TGFBR3: variants seen among roughly 807,000 people sequenced by gnomAD.
TGFBR3 encodes transforming growth factor beta receptor type 3.
Under a neutral mutation model 87.9 loss-of-function variants are expected in TGFBR3, and 46 were observed. The ratio of observed to expected loss-of-function variants is 0.52; its 90% confidence interval spans 0.41 to 0.67. TGFBR3 has a LOEUF of 0.67. Among genes scored for constraint, TGFBR3 ranks in the 30% least tolerant of loss-of-function variants. The pLI, the probability that TGFBR3 is intolerant of heterozygous loss-of-function variation, is 0.00. For synonymous variants in TGFBR3, 381 were observed against 391.6 expected (o/e 0.97, Z 0.32); for missense variants, 866 against 1,041.9 (o/e 0.83, Z 2.32).
chr1:91,785,768 C>CTT (rs774046968), intron 3 of TGFBR3, among the ~76,000 whole-genome samples: 21 of 137,114 alleles, frequency 1.5e-4, no homozygotes, highest in Admixed American at 4.4e-4. Flanking sequence ...GGCTTCTGTA[C>CTT]TTTTTTTTTT....
intron 1 of TGFBR3, among the ~76,000 whole-genome samples, chr1:91,873,429 C>T (rs1260066834): frequency 6.6e-6 from 1 of 151,398 alleles, no homozygotes; most frequent in East Asian, 2.0e-4. Context: ...ATTACAGGTG[C>T]CTGCCACCAC....
In TGFBR3 at chr1:91,720,049, A is replaced by G. The variant is rs753678001; in HGVS notation, c.1257T>C (p.Asp419=). 6 of 1,614,196 alleles carry G rather than the reference A, an allele frequency of 3.7e-6. No individual in the cohort carries two copies. In the East Asian group the frequency reaches 1.3e-4, roughly 36 times the overall value. The change falls in exon 9 of 17, where the codon GAT becomes GAC. Residue 419 remains aspartate, a synonymous_variant. Coordinates refer to ENST00000212355, the MANE Select transcript of TGFBR3 (RefSeq NM_003243.5). ...SRRVWNEEGE[D]GLPRPKDPVI... ...CAGGGTCCTTTGGCCGAGGGAGCCCATCTTCTCCCTCTTCATTCCAGACTC... is the reference window on the plus strand; with the variant it reads ...CAGGGTCCTTTGGCCGAGGGAGCCCGTCTTCTCCCTCTTCATTCCAGACTC...
At chr1:91,853,443 C>A (rs1677819932) in intron 2 of TGFBR3, among the ~76,000 whole-genome samples, 1 of 151,918 alleles carries the variant, frequency 6.6e-6, no homozygotes, top group Admixed American at 6.6e-5. Flanking sequence ...ACTCGTTTGG[C>A]AGACAGGAGA....
Position 91,698,110 on chromosome 1 carries a change from C to T in TGFBR3, c.2308G>A (p.Glu770Lys), listed in dbSNP as rs1266073455. The T allele has an allele frequency of 1.9e-6, 3 of 1,613,858 alleles. No individual in the cohort carries two copies. Among genetic ancestry groups the T allele is most frequent in the Non-Finnish European group, 2.5e-6 (3 of 1,179,930 alleles). ...ESKEKGPSMK[E>K]PNPISPPIFH... ...TTACGTGGAGAAATTGGATTTGGTT[C>T]CTTCATGCTTGGACCTTTTTCTGAA... Residue 770 changes from glutamate (E) to lysine (K), a missense_variant, in exon 15 of 17, where the codon GAA becomes AAA. Coordinates refer to ENST00000212355, the MANE Select transcript of TGFBR3 (RefSeq NM_003243.5).
chr1:91,869,579 G>A (rs375234134), intron 1 of TGFBR3, among the ~76,000 whole-genome samples: 4 of 152,180 alleles, frequency 2.6e-5, no homozygotes, highest in South Asian at 2.1e-4. Context: ...CAGGAGAACC[G>A]CTTGAACTCG....
chr1:91,729,418 G>T (rs1347026686), intron 6 of TGFBR3, among the ~76,000 whole-genome samples: 1 of 152,092 alleles, frequency 6.6e-6, no homozygotes, highest in Non-Finnish European at 1.5e-5. Context: ...TATTAATAGG[G>T]CATATTTTGT....
rs745661002 is a variant in TGFBR3, at chr1:91,729,969, T to G, written c.573A>C (p.Gln191His). 1 of 1,613,996 alleles carries G rather than the reference T, an allele frequency of 6.2e-7. No individual in the cohort carries two copies. The highest frequency in any genetic ancestry group is 2.2e-5 in the East Asian group (1 of 44,864). Residue 191 changes from glutamine (Q) to histidine (H), a missense_variant, in exon 6 of 17, where the codon CAA becomes CAC. Gln to His is a conservative substitution (Grantham distance 24). Transcript: ENST00000212355. ...CTATGTTGCACTTTGGAGGGAACAC[T>G]TGATCTGAAAGAGGCACAGGACAAT... ...RNIYIKVGED[Q>H]VFPPKCNIGK...
chr1:91,716,186 CTA>C, intron 12 of TGFBR3, 48 bp downstream of exon 12: 1 of 1,611,238 alleles, frequency 6.2e-7, no homozygotes, highest in Non-Finnish European at 8.5e-7. Context: ...GTCTAAGGAA[CTA>C]TAGCCCAGCA....
At chr1:91,762,260 C>G (rs780923742) in intron 3 of TGFBR3, among the ~76,000 whole-genome samples, 3 of 152,106 alleles carry the variant, frequency 2.0e-5, no homozygotes, top group African/African-American at 7.2e-5. Context: ...CCAAACCAAA[C>G]AAAAAACATC....
intron 3 of TGFBR3, among the ~76,000 whole-genome samples, chr1:91,787,449 G>A (rs1295407194): frequency 2.6e-5 from 4 of 152,162 alleles, no homozygotes; most frequent in African/African-American, 7.2e-5. Context: ...ACATGGGAGC[G>A]AACCACAGTG....
At chr1:91,712,655 A>G (rs1672023238) in intron 12 of TGFBR3, 113 bp from the exon 13 acceptor site, 1 of 920,768 alleles carries the variant, frequency 1.1e-6, no homozygotes, top group Non-Finnish European at 1.7e-6. Flanking sequence ...CTTTATCTTC[A>G]TAACATAGTT....
intron 3 of TGFBR3, among the ~76,000 whole-genome samples, chr1:91,775,299 C>G (rs1261414187): frequency 6.6e-6 from 1 of 152,224 alleles, no homozygotes; most frequent in Non-Finnish European, 1.5e-5. Context: ...CAGGGCCCCA[C>G]GTGATCCAAC....
chr1:91,719,826 G>T, intron 9 of TGFBR3, 67 bp downstream of exon 9: 1 of 1,549,688 alleles, frequency 6.5e-7, no homozygotes, highest in Non-Finnish European at 8.9e-7. Flanking sequence ...AGAAATTACA[G>T]ATGCAGACTA....
At chr1:91,825,651 A>T (rs887780169) in intron 2 of TGFBR3, among the ~76,000 whole-genome samples, 16 of 152,216 alleles carry the variant, frequency 1.1e-4, no homozygotes, top group African/African-American at 3.9e-4. Flanking sequence ...TATCTCAATA[A>T]ACTTGTTATA....
At chr1:91,826,202 T>C (rs1571548583) in intron 2 of TGFBR3, among the ~76,000 whole-genome samples, 1 of 151,860 alleles carries the variant, frequency 6.6e-6, no homozygotes, top group Admixed American at 6.6e-5. Flanking sequence ...GAGAGACAGG[T>C]ACACAGTGAG....
chr1:91,829,233 A>T (rs767370372), intron 2 of TGFBR3, among the ~76,000 whole-genome samples: 1 of 151,932 alleles, frequency 6.6e-6, no homozygotes, highest in Non-Finnish European at 1.5e-5. Flanking sequence ...AATATTAGCC[A>T]GGTGTGGTGG....
chr1:91,727,884 A>T, intron 6 of TGFBR3, 78 bp from the exon 7 acceptor site: 1 of 1,552,582 alleles, frequency 6.4e-7, no homozygotes, highest in Admixed American at 1.7e-5. Context: ...CCAAGTCTTC[A>T]TGTTTCTAGT....
At position 91,734,778 on chromosome 1, in the gene TGFBR3, T is replaced by C; in HGVS notation, c.566A>G (p.Glu189Gly). 4 of 1,614,146 alleles carry C rather than the reference T, an allele frequency of 2.5e-6. No homozygotes were observed. The highest frequency in any genetic ancestry group is 3.4e-6 in the Non-Finnish European group (4 of 1,179,978). Residue 189 changes from glutamate (E) to glycine (G), a missense_variant and splice_region_variant, in exon 5 of 17, where the codon GAA becomes GGA. Coordinates refer to ENST00000212355, the MANE Select transcript of TGFBR3 (RefSeq NM_003243.5). The stretch of plus-strand genomic sequence containing the variant: ...AACTGAAGCCACATAAAATTTACCT[T>C]CCCCCACTTTAATATAAATGTTTCT... Reference protein sequence around the residue: ...IARNIYIKVGEDQVFPPKCNI... With the variant: ...IARNIYIKVGGDQVFPPKCNI...
chr1:91,827,221 C>T (rs1335225814), intron 2 of TGFBR3, among the ~76,000 whole-genome samples: 3 of 152,082 alleles, frequency 2.0e-5, no homozygotes, highest in African/African-American at 7.2e-5. Flanking sequence ...TGATGTTAAG[C>T]GCTGTAGCAA....
Sources: allele counts gnomAD v4.1 joint callset (sites outside exome capture counted in the v4.1 genomes callset), GRCh38; gene constraint gnomAD v4.1.1; transcripts MANE v1.5; gene names NCBI Gene and HGNC (gene_info 2026-07-23, HGNC 2026-07-21).